RAB38: variants seen among roughly 807,000 people sequenced by gnomAD.
RAB38 encodes ras-related protein Rab-38.
In RAB38, 15 loss-of-function variants were observed where a neutral mutation model predicts 18.4. That is an observed-to-expected ratio of 0.82 (90% confidence interval 0.55 to 1.26). The LOEUF (loss-of-function observed/expected upper bound fraction) is 1.26, where lower values mean the gene tolerates loss of function less well. Ranked by LOEUF, RAB38 falls within the 50% of genes most tolerant of loss-of-function variation. The pLI, the probability that RAB38 is intolerant of heterozygous loss-of-function variation, is 0.00. For missense variants in RAB38, 294 were observed against 267.4 expected (o/e 1.10, Z -0.69); for synonymous variants, 101 against 104.4 (o/e 0.97, Z 0.20).
the RAB38 span, among the ~76,000 whole-genome samples, chr11:88,105,745 A>T: frequency 6.6e-6 from 1 of 152,066 alleles, no homozygotes; most frequent in Non-Finnish European, 1.5e-5. Context: ...ACACCTCTAG[A>T]CCTGTCACTT....
At chr11:88,107,984 C>G in the RAB38 span, among the ~76,000 whole-genome samples, 4 of 152,020 alleles carry the variant, frequency 2.6e-5, no homozygotes, top group South Asian at 4.1e-4. Flanking sequence ...GTCTGAGAGA[C>G]TTGTTTGTTA....
chr11:88,046,694 AC>A, the RAB38 span, among the ~76,000 whole-genome samples: 1 of 152,176 alleles, frequency 6.6e-6, no homozygotes, highest in Non-Finnish European at 1.5e-5. Context: ...AACACCTTCT[AC>A]AAAACACAAC....
At chr11:87,976,726 T>C in the RAB38 span, among the ~76,000 whole-genome samples, 95 of 119,774 alleles carry the variant, frequency 7.9e-4, no homozygotes, top group African/African-American at 3.2e-3. Context: ...TTCTATATAT[T>C]TTATATAATA....
At chr11:87,962,767 T>C in the RAB38 span, among the ~76,000 whole-genome samples, 1 of 152,234 alleles carries the variant, frequency 6.6e-6, no homozygotes, top group Non-Finnish European at 1.5e-5. Flanking sequence ...GTGCTGACTA[T>C]TGTAATGTAT....
At chr11:87,880,772 A>T in the RAB38 span, among the ~76,000 whole-genome samples, 1 of 151,984 alleles carries the variant, frequency 6.6e-6, no homozygotes, top group African/African-American at 2.4e-5. Flanking sequence ...TTATTCACTC[A>T]GTCAATTATT....
At chr11:87,932,119 AAG>A in the RAB38 span, among the ~76,000 whole-genome samples, 1 of 151,898 alleles carries the variant, frequency 6.6e-6, no homozygotes, top group Admixed American at 6.6e-5. Flanking sequence ...TTAGCTAAAT[AAG>A]AGATTCAAGG....
chr11:88,159,636 G>C (rs1256114179), intron 1 of RAB38, among the ~76,000 whole-genome samples: 1 of 151,920 alleles, frequency 6.6e-6, no homozygotes, highest in Non-Finnish European at 1.5e-5. Flanking sequence ...CAGACACATA[G>C]ACCAATGAAA....
the RAB38 span, among the ~76,000 whole-genome samples, chr11:87,902,875 A>G: frequency 1.3e-5 from 2 of 148,538 alleles, no homozygotes; most frequent in South Asian, 2.1e-4. Context: ...GATCATATAT[A>G]TGTATGTGCA....
the RAB38 span, among the ~76,000 whole-genome samples, chr11:87,828,354 G>T: frequency 6.6e-6 from 1 of 152,134 alleles, no homozygotes; most frequent in African/African-American, 2.4e-5. Context: ...CTAGATAGAT[G>T]ATCTATTTCC....
the RAB38 span, among the ~76,000 whole-genome samples, chr11:88,082,674 C>G: frequency 6.6e-6 from 1 of 151,884 alleles, no homozygotes; most frequent in East Asian, 1.9e-4. Context: ...CCTGCAAGCT[C>G]CATCTTTAAC....
At chr11:87,938,585 T>G in the RAB38 span, among the ~76,000 whole-genome samples, 3 of 151,606 alleles carry the variant, frequency 2.0e-5, no homozygotes, top group Admixed American at 2.0e-4. Context: ...TGAAAGGTTT[T>G]TTTTTCTTTC....
chr11:87,875,042 G>T, the RAB38 span, among the ~76,000 whole-genome samples: 1 of 151,562 alleles, frequency 6.6e-6, no homozygotes, highest in East Asian at 2.0e-4. Flanking sequence ...ATATGGATCT[G>T]TTGTTGATCA....
At chr11:87,901,070 T>G in the RAB38 span, among the ~76,000 whole-genome samples, 5 of 151,666 alleles carry the variant, frequency 3.3e-5, no homozygotes, top group African/African-American at 9.7e-5. Context: ...ATCACATTTT[T>G]GGGAGGGACC....
the RAB38 span, among the ~76,000 whole-genome samples, chr11:88,031,401 A>G: frequency 6.6e-6 from 1 of 150,618 alleles, no homozygotes; most frequent in Non-Finnish European, 1.5e-5. Context: ...GGAGAAGGAA[A>G]TAAAGGGTAT....
chr11:87,806,921 A>G, the RAB38 span, among the ~76,000 whole-genome samples: 1 of 152,156 alleles, frequency 6.6e-6, no homozygotes, highest in African/African-American at 2.4e-5. Flanking sequence ...AGACAAATGA[A>G]ATTCTGGATC....
the RAB38 span, among the ~76,000 whole-genome samples, chr11:87,956,823 C>T: frequency 1.3e-5 from 2 of 152,038 alleles, no homozygotes. Context: ...GAATGATACA[C>T]AGAGAAGCCA....
chr11:87,845,531 C>A, the RAB38 span, among the ~76,000 whole-genome samples: 1 of 151,918 alleles, frequency 6.6e-6, no homozygotes, highest in Admixed American at 6.6e-5. Context: ...AATGACCAGC[C>A]TCTGGTACGT....
the RAB38 span, among the ~76,000 whole-genome samples, chr11:87,942,967 C>T: frequency 2.0e-5 from 3 of 152,086 alleles, no homozygotes; most frequent in African/African-American, 7.2e-5. Flanking sequence ...TGCAGGGAAC[C>T]TGGGAACTAG....
chr11:87,910,996 G>T, the RAB38 span, among the ~76,000 whole-genome samples: 2 of 151,630 alleles, frequency 1.3e-5, no homozygotes, highest in South Asian at 2.1e-4. Context: ...TTATTTTTTT[G>T]CATGTGGATA....
Sources: allele counts gnomAD v4.1 joint callset (sites outside exome capture counted in the v4.1 genomes callset), GRCh38; gene constraint gnomAD v4.1.1; transcripts MANE v1.5; gene names NCBI Gene and HGNC (gene_info 2026-07-23, HGNC 2026-07-21).